Variants in BACH2 observed in about 807,000 individuals in gnomAD.
BACH2 encodes the protein BACH transcriptional regulator 2, also known as transcription regulator protein BACH2.
In BACH2, 5 loss-of-function variants were observed where a neutral mutation model predicts 61.8. That is an observed-to-expected ratio of 0.08 (90% CI 0.04 to 0.17). BACH2 has a LOEUF of 0.17. Ranked by LOEUF, BACH2 falls within the 10% of genes least tolerant of loss-of-function variation. BACH2 has a pLI of 1.00. For missense variants in BACH2, 824 were observed against 1,091.1 expected, an observed-to-expected ratio of 0.76 and a Z score of 3.45; for synonymous variants, 446 against 440.1, an observed-to-expected ratio of 1.01 and a Z score of -0.17.
chr6:90,212,792 G>A (rs2127852403), intron 3 of BACH2, among the ~76,000 whole-genome samples: 1 of 152,308 alleles, frequency 6.6e-6, no homozygotes, highest in Middle Eastern at 3.4e-3. Context: ...GAGACACATT[G>A]TTGGTAACAC....
At chr6:89,955,345 T>C (rs1774367330) in intron 6 of BACH2, among the ~76,000 whole-genome samples, 1 of 152,234 alleles carries the variant, frequency 6.6e-6, no homozygotes, top group African/African-American at 2.4e-5. Flanking sequence ...AGTAACAATG[T>C]AAGCAAGTCA....
At chr6:90,051,837 A>C (rs1430552548) in intron 5 of BACH2, among the ~76,000 whole-genome samples, 2 of 152,118 alleles carry the variant, frequency 1.3e-5, no homozygotes, top group Admixed American at 6.5e-5. Flanking sequence ...TGAGACTATA[A>C]ATTTTCCTCC....
intron 4 of BACH2, among the ~76,000 whole-genome samples, chr6:90,188,224 A>G (rs1210609133): frequency 6.6e-6 from 1 of 152,256 alleles, no homozygotes; most frequent in African/African-American, 2.4e-5. Flanking sequence ...AAGTTTAATT[A>G]TCTACATTTA....
chr6:90,268,275 G>T (rs987205705), intron 2 of BACH2, among the ~76,000 whole-genome samples: 1 of 151,818 alleles, frequency 6.6e-6, no homozygotes, highest in African/African-American at 2.4e-5. Flanking sequence ...CAAAGTGCTG[G>T]GATTACAGCC....
intron 4 of BACH2, among the ~76,000 whole-genome samples, chr6:90,091,364 C>G (rs1359554415): frequency 6.6e-6 from 1 of 152,016 alleles, no homozygotes. Flanking sequence ...TGTTATATAA[C>G]ACAAAACAGG....
chr6:90,238,425 C>T (rs930412921), intron 3 of BACH2, among the ~76,000 whole-genome samples: 2 of 152,142 alleles, frequency 1.3e-5, no homozygotes, highest in African/African-American at 4.8e-5. Context: ...ACAGATAGCG[C>T]AACTGCTGAT....
chr6:89,949,948 G>C (rs1034198899), intron 7 of BACH2, among the ~76,000 whole-genome samples: 1 of 152,056 alleles, frequency 6.6e-6, no homozygotes, highest in South Asian at 2.1e-4. Flanking sequence ...AGGAGGGGGA[G>C]AGAGGGAGGA....
At chr6:89,996,412 G>T (rs1776851319) in intron 6 of BACH2, among the ~76,000 whole-genome samples, 1 of 152,094 alleles carries the variant, frequency 6.6e-6, no homozygotes, top group Non-Finnish European at 1.5e-5. Context: ...TCACTTCTTG[G>T]TTCACAATGT....
intron 6 of BACH2, among the ~76,000 whole-genome samples, chr6:89,994,501 T>G (rs1188164917): frequency 6.6e-6 from 1 of 152,200 alleles, no homozygotes; most frequent in Non-Finnish European, 1.5e-5. Flanking sequence ...GATTTTCATT[T>G]AACCAATGAG....
intron 5 of BACH2, among the ~76,000 whole-genome samples, chr6:90,010,633 T>C (rs1250697558): frequency 6.6e-6 from 1 of 152,228 alleles, no homozygotes; most frequent in Non-Finnish European, 1.5e-5. Context: ...ATGTATTATA[T>C]GGTATGTGTA....
At chr6:90,284,461 C>G (rs1771956082) in intron 1 of BACH2, among the ~76,000 whole-genome samples, 1 of 152,182 alleles carries the variant, frequency 6.6e-6, no homozygotes, top group South Asian at 2.1e-4. Flanking sequence ...CAGCCCTCCG[C>G]AATAGATGCT....
chr6:90,166,035 C>T (rs1485493373), intron 4 of BACH2, among the ~76,000 whole-genome samples: 1 of 151,978 alleles, frequency 6.6e-6, no homozygotes, highest in Non-Finnish European at 1.5e-5. Flanking sequence ...AAAGCAATGG[C>T]AACAAAAGCC....
chr6:90,040,024 CT>C (rs71556549), intron 5 of BACH2, among the ~76,000 whole-genome samples: 203 of 139,550 alleles, frequency 1.5e-3, no homozygotes, highest in Middle Eastern at 0.012. Flanking sequence ...TTCTTTGTCA[CT>C]TTTTTTTTTT....
chr6:90,063,102 A>G (rs1780771641), intron 5 of BACH2: 1 of 161,940 alleles, frequency 6.2e-6, no homozygotes, highest in African/African-American at 2.4e-5. Flanking sequence ...AATGTAACAA[A>G]TATCTGAATA....
At position 90,068,803 on chromosome 6, in the gene BACH2, T is replaced by C. The variant is rs568640820; in HGVS notation, c.-13+20158A>G. Among the ~76,000 whole-genome samples the C allele has an allele frequency of 8.6e-5, 13 of 151,564 alleles. No homozygotes were observed. The East Asian group carries it at 2.1e-3, about 25-fold the overall frequency. ...TGTTCTAAGGGATGCACCTGGAGAG[T>C]GTGTGGCTTCTGTTCTGACTTTTAT... On this transcript the variant is annotated intron_variant, in intron 5 of 8. Coordinates refer to ENST00000257749, the MANE Select transcript of BACH2 (RefSeq NM_021813.4).
intron 4 of BACH2, among the ~76,000 whole-genome samples, chr6:90,113,349 T>C (rs557863429): frequency 1.3e-5 from 2 of 152,242 alleles, no homozygotes; most frequent in African/African-American, 4.8e-5. Flanking sequence ...GACCACATAA[T>C]TGGACATAAA....
intron 4 of BACH2, among the ~76,000 whole-genome samples, chr6:90,141,665 G>T (rs912247912): frequency 6.6e-6 from 1 of 152,070 alleles, no homozygotes; most frequent in Non-Finnish European, 1.5e-5. Context: ...TGAGGAATGT[G>T]ATAAAATAAT....
At chr6:89,939,656 C>CTTTTTTTT (rs71298713) in intron 7 of BACH2, among the ~76,000 whole-genome samples, 4 of 82,616 alleles carry the variant, frequency 4.8e-5, no homozygotes, top group Non-Finnish European at 6.7e-5. Flanking sequence ...GCTTATATTT[C>CTTTTTTTT]TTTTTTTTTT....
chr6:90,099,931 C>T (rs2127811232), intron 4 of BACH2, among the ~76,000 whole-genome samples: 1 of 152,268 alleles, frequency 6.6e-6, no homozygotes, highest in East Asian at 1.9e-4. Context: ...AGTTACTCTT[C>T]ATTTCCTTTC....
Sources: gnomAD v4.1 joint callset for allele counts (sites outside exome capture counted in the v4.1 genomes callset) on GRCh38, gnomAD v4.1.1 for gene constraint, MANE v1.5 for transcripts, NCBI Gene and HGNC (gene_info 2026-07-23, HGNC 2026-07-21) for gene names.